Variants in C16orf46 observed in about 807,000 individuals in gnomAD.
The protein encoded by C16orf46 is chromosome 16 open reading frame 46.
C16orf46 carries 7 observed loss-of-function variants against 5.5 expected under a neutral mutation model. The observed-to-expected ratio is 1.28, with a 90% CI of 0.73 to 2.40. The LOEUF (loss-of-function observed/expected upper bound fraction) is 2.40, where lower values mean the gene tolerates loss of function less well. Ranked by LOEUF, C16orf46 falls within the 30% of genes most tolerant of loss-of-function variation. The pLI is 0.00. For missense variants in C16orf46, 614 were observed against 476.0 expected (o/e 1.29, Z -2.70); for synonymous variants, 200 against 184.1 (o/e 1.09, Z -0.70).
intron 1 of C16orf46, among the ~76,000 whole-genome samples, chr16:81,074,725 C>CA (rs1411400052): frequency 6.6e-6 from 1 of 152,030 alleles, no homozygotes; most frequent in East Asian, 1.9e-4. Context: ...AGGTGAACTA[C>CA]AACTTCCAGA....
chr16:81,063,638 T>A, intron 3 of C16orf46, 108 bp downstream of exon 3: 1 of 913,912 alleles, frequency 1.1e-6, no homozygotes, highest in Admixed American at 2.4e-5. Flanking sequence ...CTACATGTCA[T>A]TGATTCCACA....
downstream of C16orf46, chr16:81,056,236 T>C (rs1971291853): frequency 6.6e-6 from 1 of 152,192 alleles, no homozygotes; most frequent in Non-Finnish European, 1.5e-5. Flanking sequence ...TTCTGAATAA[T>C]GGCAGTAAAT....
intron 1 of C16orf46, among the ~76,000 whole-genome samples, chr16:81,067,263 T>C (rs1389883799): frequency 6.6e-6 from 1 of 152,230 alleles, no homozygotes; most frequent in Non-Finnish European, 1.5e-5. Context: ...TTATTTTCTT[T>C]TACCAATAAC....
chr16:81,054,717 C>T (rs368980519), intron 3 of C16orf46, among the ~76,000 whole-genome samples: 37 of 152,158 alleles, frequency 2.4e-4, no homozygotes, highest in East Asian at 1.9e-3. Context: ...GGCGTGATCT[C>T]GGCTCACTGC....
intron 3 of C16orf46, among the ~76,000 whole-genome samples, chr16:81,063,483 T>G (rs1022265909): frequency 6.6e-6 from 1 of 152,130 alleles, no homozygotes; most frequent in African/African-American, 2.4e-5. Context: ...GAAGAAAACT[T>G]GCCCCATATG....
chr16:81,060,807 G>A (rs1016819928), downstream of C16orf46: 2 of 254,738 alleles, frequency 7.9e-6, no homozygotes, highest in Non-Finnish European at 7.1e-6. Flanking sequence ...CAGCATGGAG[G>A]GAAGGAGGCC....
intron 1 of C16orf46, among the ~76,000 whole-genome samples, chr16:81,067,540 TTTTG>T (rs1458302855): frequency 2.0e-5 from 3 of 152,222 alleles, no homozygotes; most frequent in East Asian, 3.9e-4. Context: ...AAATGTTGTT[TTTTG>T]TTTGTTTGTT....
chr16:81,061,115 C>A lies in C16orf46; in HGVS notation c.*46G>T. ...GAGAGAGAAGAAAGAGAAAGGATGG[C>A]TGCATCTCAAACGGTGCTTATTCCC... On this transcript the variant is annotated 3_prime_UTR_variant, in exon 4 of 4. Coordinates refer to ENST00000299578, the MANE Select transcript of C16orf46 (RefSeq NM_152337.3). 1 of 1,528,954 alleles carries A rather than the reference C, an allele frequency of 6.5e-7. No homozygotes were observed. The allele number at this position is 1,528,954 out of a possible 1,614,324, so 94.7% of individuals were successfully genotyped here. A position where few individuals can be genotyped will look rare whatever the true frequency, so the allele number is the denominator to read the frequency against.
chr16:81,071,360 C>G (rs804902), intron 1 of C16orf46, among the ~76,000 whole-genome samples: 122,925 of 152,194 alleles, frequency 0.81, 51,034 homozygotes, highest in Non-Finnish European at 0.92. Context: ...AAAATCTAAT[C>G]GCTGCAGGGG....
intron 3 of C16orf46, among the ~76,000 whole-genome samples, chr16:81,063,336 G>C (rs1971549349): frequency 6.6e-6 from 1 of 151,692 alleles, no homozygotes; most frequent in Non-Finnish European, 1.5e-5. Context: ...CAGCACAGCT[G>C]CTAAGGAGCT....
intron 1 of C16orf46, among the ~76,000 whole-genome samples, chr16:81,068,253 C>A (rs918930218): frequency 2.0e-5 from 3 of 152,160 alleles, no homozygotes; most frequent in Non-Finnish European, 4.4e-5. Flanking sequence ...ACAAAGACAA[C>A]GGTTAAGCTA....
exon 4 of C16orf46, chr16:81,053,752 A>G (rs959660662): frequency 4.0e-6 from 1 of 249,874 alleles, no homozygotes; most frequent in African/African-American, 2.2e-5. Context: ...GTATCTGAAA[A>G]TGAAAATAAA....
downstream of C16orf46, among the ~76,000 whole-genome samples, chr16:81,059,895 T>A (rs1265524547): frequency 6.6e-6 from 1 of 151,918 alleles, no homozygotes. Context: ...TTCACGCCAT[T>A]CTCCTGCCTC....
intron 1 of C16orf46, chr16:81,069,879 C>G (rs1292703721): frequency 1.3e-5 from 2 of 152,236 alleles, no homozygotes; most frequent in African/African-American, 4.8e-5. Context: ...AATCCCAGCA[C>G]TTTGGGAGGC....
Position 81,063,876 on chromosome 16 carries a change from G to T in C16orf46, c.80C>A (p.Pro27Gln). Residue 27 changes from proline to glutamine, a missense_variant, in exon 3 of 4, where the codon CCA becomes CAA. Transcript: ENST00000299578. ...NEIQFTEETEPTYTCPDGKSE... is the reference protein window; with the variant it reads ...NEIQFTEETEQTYTCPDGKSE... The stretch of plus-strand genomic sequence containing the variant: ...TTTTCCATCTGGACAAGTATAGGTT[G>T]GTTCTGTTTCTTCTGTGAACTGAAT... 1 of 1,613,256 alleles carries T rather than the reference G, an allele frequency of 6.2e-7. No individual in the cohort carries two copies. Among genetic ancestry groups the T allele is most frequent in the South Asian group, 1.1e-5 (1 of 91,046 alleles).
downstream of C16orf46, among the ~76,000 whole-genome samples, chr16:81,056,951 A>C (rs1971314806): frequency 6.6e-6 from 1 of 152,008 alleles, no homozygotes; most frequent in Admixed American, 6.6e-5. Flanking sequence ...TAATTCCCTA[A>C]ACCAGCGGTT....
At position 81,063,930 on chromosome 16, in the gene C16orf46, G is replaced by C. The variant is rs1240679160; in HGVS notation, c.26C>G (p.Thr9Ser). 3 of 1,612,952 alleles carry C rather than the reference G, an allele frequency of 1.9e-6. No homozygotes were observed. The highest frequency in any genetic ancestry group is 2.5e-6 in the Non-Finnish European group (3 of 1,179,514). MDLCQKNE[T>S]DLENAENNEI... is the part of the protein sequence containing the mutation. ...ATTATTTTCAGCATTTTCTAAGTCA[G>C]TCTCATTTTTCTGACAGAGATCCAT... is the stretch of plus-strand genomic sequence containing the variant. The change falls in exon 3 of 4, where the codon ACT becomes AGT. Residue 9 changes from threonine (T) to serine (S), a missense_variant. Transcript: ENST00000299578.
At chr16:81,060,977 C>T (rs2151748190), downstream of C16orf46, 6 of 1,374,330 alleles carry the variant, frequency 4.4e-6, no homozygotes, top group East Asian at 1.5e-4. Flanking sequence ...CCCAACAATC[C>T]ACTGAGGTTC....
At chr16:81,066,468 T>C (rs1293937483) in intron 1 of C16orf46, among the ~76,000 whole-genome samples, 187 bp from the exon 2 acceptor site, 1 of 152,154 alleles carries the variant, frequency 6.6e-6, no homozygotes, top group African/African-American at 2.4e-5. Context: ...ACCTCCCAGG[T>C]AGCTAAGACT....
Sources: gnomAD v4.1 joint callset for allele counts (sites outside exome capture counted in the v4.1 genomes callset) on GRCh38, gnomAD v4.1.1 for gene constraint, MANE v1.5 for transcripts, NCBI Gene and HGNC (gene_info 2026-07-23, HGNC 2026-07-21) for gene names.